The following IRF3 variants were observed in gnomAD, a reference collection of about 807,000 sequenced individuals.
IRF3 encodes the protein interferon regulatory factor 3.
A neutral mutation model predicts 43.2 loss-of-function variants in IRF3; 29 were observed. That is an observed-to-expected ratio of 0.67 (90% confidence interval 0.50 to 0.91). The LOEUF (loss-of-function observed/expected upper bound fraction) is 0.91, where lower values mean the gene tolerates loss of function less well. IRF3 is among the 40% of genes least tolerant of loss of function. The pLI is 0.00. For synonymous variants in IRF3, 228 were observed against 233.9 expected (o/e 0.97, Z 0.23); for missense variants, 505 against 559.1 (o/e 0.90, Z 0.98).
chr19:49,664,540 T>G, intron 2 of IRF3, 134 bp downstream of exon 2: 1 of 1,559,948 alleles, frequency 6.4e-7, no homozygotes. Flanking sequence ...CCTCCCGTTC[T>G]AGCCCCACCC....
chr19:49,662,432 C>T lies in IRF3; in HGVS notation c.594G>A (p.Pro198=), dbSNP rs765721103. 50 of 1,594,374 alleles carry T rather than the reference C, an allele frequency of 3.1e-5. No homozygotes were observed. Among genetic ancestry groups the T allele is most frequent in the Admixed American group, 1.2e-4 (7 of 57,022 alleles). ...CCTGCAGCTGACACTCACCTTCCCCCGGCACCAACAGCCGCTTCAGTGGGT... is the reference window on the plus strand; with the variant it reads ...CCTGCAGCTGACACTCACCTTCCCCTGGCACCAACAGCCGCTTCAGTGGGT... ...SENPLKRLLV[P]GEEWEFEVTA... is the part of the protein sequence containing the mutation. Residue 198 remains proline, a synonymous_variant, in exon 5 of 8, where the codon CCG becomes CCA. Coordinates refer to ENST00000377139, the MANE Select transcript of IRF3 (RefSeq NM_001571.6).
chr19:49,660,876 C>T, intron 6 of IRF3, 48 bp from the exon 7 acceptor site: 5 of 1,550,256 alleles, frequency 3.2e-6, no homozygotes, highest in Non-Finnish European at 4.4e-6. Context: ...ACCCTCTACC[C>T]ACCCTTCCCC....
At position 49,662,181 on chromosome 19, in the gene IRF3, A is replaced by G; in HGVS notation, c.749T>C (p.Met250Thr). Reference protein sequence around the residue: ...GWPVTLPDPGMSLTDRGVMSY... With the variant: ...GWPVTLPDPGTSLTDRGVMSY... ...CATCACTCCCCTGTCTGTCAGGGACATGCCAGGGTCTGGCAGTGTGACTGG... is the reference window on the plus strand; with the variant it reads ...CATCACTCCCCTGTCTGTCAGGGACGTGCCAGGGTCTGGCAGTGTGACTGG... The change falls in exon 6 of 8, where the codon ATG becomes ACG. Residue 250 changes from methionine (M) to threonine (T), a missense_variant. Transcript: ENST00000377139. 6.2e-7 allele frequency: 1 copy of G among 1,614,152 alleles called. No individual in the cohort carries two copies. The highest frequency in any genetic ancestry group is 8.5e-7 in the Non-Finnish European group (1 of 1,180,040).
rs772574723 is a variant in IRF3, at chr19:49,663,505, C to T, written c.175G>A (p.Glu59Lys). Reference protein sequence around the residue: ...EDFGIFQAWAEATGAYVPGRD... With the variant: ...EDFGIFQAWAKATGAYVPGRD... ...CCGGGAACATATGCACCAGTGGCCTCGGCCCAGGCCTGGGGCAACAGTGGT... is the reference window on the plus strand; with the variant it reads ...CCGGGAACATATGCACCAGTGGCCTTGGCCCAGGCCTGGGGCAACAGTGGT... The change falls in exon 3 of 8, where the codon GAG (glutamate) becomes AAG (lysine). Residue 59 changes from glutamate (E) to lysine (K), a missense_variant. Glu to Lys is a moderately conservative substitution (Grantham distance 56). Transcript: ENST00000377139. 58 of 1,613,800 alleles carry T rather than the reference C, an allele frequency of 3.6e-5. No homozygotes were observed. Among genetic ancestry groups the T allele is most frequent in the East Asian group, 4.5e-5 (2 of 44,898 alleles).
At position 49,662,153 on chromosome 19, in the gene IRF3, G is replaced by A. The variant is rs766526821; in HGVS notation, c.777C>T (p.Ser259=). 1.9e-6 allele frequency: 3 copies of A among 1,614,122 alleles called. No homozygotes were observed. Among genetic ancestry groups the A allele is most frequent in the East Asian group, 4.5e-5 (2 of 44,886 alleles). ...GGCAGCTCAGCACATGCCTCACGTAGCTCATCACTCCCCTGTCTGTCAGGG... is the reference window on the plus strand; with the variant it reads ...GGCAGCTCAGCACATGCCTCACGTAACTCATCACTCCCCTGTCTGTCAGGG... The part of the protein sequence containing the change: ...GMSLTDRGVM[S]YVRHVLSCLG... The change falls in exon 6 of 8, where the codon AGC becomes AGT. Residue 259 remains serine (S), a synonymous_variant. Coordinates refer to ENST00000377139, the MANE Select transcript of IRF3 (RefSeq NM_001571.6).
intron 5 of IRF3, 48 bp downstream of exon 5, chr19:49,662,377 G>T (rs2081373961): frequency 1.9e-6 from 3 of 1,602,570 alleles, no homozygotes; most frequent in Non-Finnish European, 2.6e-6. Flanking sequence ...TGAGAATCAG[G>T]GGCTGCCGCC....
rs781576255 is a variant in IRF3 at position 49,664,500 on chromosome 19, C to T, written c.165+174G>A. 6 of 1,564,148 alleles carry T rather than the reference C, an allele frequency of 3.8e-6. No homozygotes were observed. The African/African-American group carries it at 6.8e-5, about 18-fold the overall frequency. On this transcript the variant is annotated intron_variant, in intron 2 of 7. Coordinates refer to ENST00000377139, the MANE Select transcript of IRF3 (RefSeq NM_001571.6). ...AGCTCCAACCCTGCTTGCGCCCCAC[C>T]ATCAGTCAGCGGATCCGGCTAGCCC...
rs755382691 is a variant in IRF3 at position 49,661,934 on chromosome 19, CCT to C, written c.982+12_982+13del. ...GCTTTGTACTGGCCAGGTCGAAGCC[CCT>C]GTCTCACTCACCTACAATGAAGGGC... On this transcript the variant is annotated intron_variant, in intron 6 of 7. Coordinates refer to ENST00000377139, the MANE Select transcript of IRF3 (RefSeq NM_001571.6). The C allele has an allele frequency of 2.9e-5, 47 of 1,596,062 alleles. No individual in the cohort carries two copies. Among genetic ancestry groups the C allele is most frequent in the African/African-American group, 6.7e-5 (5 of 74,676 alleles).
intron 7 of IRF3, among the ~76,000 whole-genome samples, 195 bp from the exon 8 acceptor site, chr19:49,660,028 C>CACA (rs1555753000): frequency 0.012 from 1,348 of 109,862 alleles, 97 homozygotes; most frequent in African/African-American, 0.033. Flanking sequence ...CACACACACA[C>CACA]CCCCTGCTGT....
rs747417003 is a variant in IRF3 at position 49,662,003 on chromosome 19, G to A, written c.927C>T (p.Gly309=). ...LLPNSGHGPD[G]EVPKDKEGGV... ...CTCCTTCCTTGTCCTTGGGGACCTC[G>A]CCATCAGGCCCATGCCCGCTGTTGG... Residue 309 remains glycine, a synonymous_variant, in exon 6 of 8, where the codon GGC becomes GGT. Coordinates refer to ENST00000377139, the MANE Select transcript of IRF3 (RefSeq NM_001571.6). 7 of 1,613,752 alleles carry A rather than the reference G, an allele frequency of 4.3e-6. No individual in the cohort carries two copies. The highest frequency in any genetic ancestry group is 1.3e-5 in the African/African-American group (1 of 75,026).
rs1555753040 is a variant in IRF3, at chr19:49,659,994, C to CAT, written c.1099-162_1099-161insAT. ...TGGGAGTTGTAGTTTTACACACACA[C>CAT]ACACACACACACACACACACACACA... On this transcript the variant is annotated intron_variant, in intron 7 of 7. Coordinates refer to ENST00000377139, the MANE Select transcript of IRF3 (RefSeq NM_001571.6). Among the ~76,000 whole-genome samples, 3 of 99,260 alleles carry CAT rather than the reference C, an allele frequency of 3.0e-5. No homozygotes were observed. The East Asian group carries it at 7.7e-4, about 26-fold the overall frequency. The allele number at this position is 99,260 out of a possible 152,430, so 65.1% of individuals were successfully genotyped here.
chr19:49,665,671 C>G lies in IRF3; in HGVS notation c.-49G>C. On this transcript the variant is annotated 5_prime_UTR_variant, in exon 1 of 8. Transcript: ENST00000377139. ...GGGGCGTGCGGGCAGCTGGAACCCACCCCTGTCTTGGAGCTCCGGGTAGCT... is the reference window on the plus strand; with the variant it reads ...GGGGCGTGCGGGCAGCTGGAACCCAGCCCTGTCTTGGAGCTCCGGGTAGCT... 1.9e-6 allele frequency: 2 copies of G among 1,067,190 alleles called. No individual in the cohort carries two copies. Among genetic ancestry groups the G allele is most frequent in the Non-Finnish European group, 2.7e-6 (2 of 752,084 alleles). 66.1% of individuals were successfully genotyped at this position (1,067,190 alleles called of 1,614,324 possible). A position where few individuals can be genotyped will look rare whatever the true frequency, so the allele number is the denominator to read the frequency against.
At position 49,663,218 on chromosome 19, in the gene IRF3, G is replaced by C. The variant is rs2081428625; in HGVS notation, c.378C>G (p.Thr126=). 1 of 1,613,954 alleles carries C rather than the reference G, an allele frequency of 6.2e-7. No individual in the cohort carries two copies. The highest frequency in any genetic ancestry group is 1.7e-5 in the Admixed American group (1 of 59,992). Residue 126 remains threonine (T), a synonymous_variant, in exon 4 of 8, where the codon ACC becomes ACG. Coordinates refer to ENST00000377139, the MANE Select transcript of IRF3 (RefSeq NM_001571.6). ...DFSQPDTSPD[T]NGGGSTSDTQ... ...TATCAGAAGTACTGCCTCCACCATT[G>C]GTGTCCGGAGAGGTGTCTGGCTGGG... is the stretch of plus-strand genomic sequence containing the variant.
At chr19:49,664,507 C>T (rs770598093) in intron 2 of IRF3, 167 bp downstream of exon 2, 9 of 1,570,606 alleles carry the variant, frequency 5.7e-6, no homozygotes, top group Non-Finnish European at 7.7e-6. Context: ...CACCATCAGT[C>T]AGCGGATCCG....
intron 3 of IRF3, 42 bp from the exon 4 acceptor site, chr19:49,663,300 C>T: frequency 6.2e-7 from 1 of 1,614,054 alleles, no homozygotes; most frequent in Non-Finnish European, 8.5e-7. Flanking sequence ...TGCCAGGAAC[C>T]CTTGGGGCCC....
rs1568452113 is a variant in IRF3, at chr19:49,660,029, C to CACACACACACACA, written c.1099-197_1099-196insTGTGTGTGTGTGT. ...CACACACACACACACACACACACACCCCCTGCTGTAACTGAACCATAGGCC... is the reference window on the plus strand; with the variant it reads ...CACACACACACACACACACACACACCACACACACACACACCCTGCTGTAACTGAACCATAGGCC... On this transcript the variant is annotated intron_variant, in intron 7 of 7. Coordinates refer to ENST00000377139, the MANE Select transcript of IRF3 (RefSeq NM_001571.6). Among the ~76,000 whole-genome samples, 37 of 48,564 alleles carry CACACACACACACA rather than the reference C, an allele frequency of 7.6e-4. 1 individual carries two copies. Among genetic ancestry groups the CACACACACACACA allele is most frequent in the East Asian group, 2.0e-3 (4 of 1,990 alleles). 31.9% of individuals were successfully genotyped at this position (48,564 alleles called of 152,430 possible).
chr19:49,663,213 C>T lies in IRF3; in HGVS notation c.383G>A (p.Gly128Asp). Residue 128 changes from glycine (G) to aspartate (D), a missense_variant, in exon 4 of 8, where the codon GGT (glycine) becomes GAT (aspartate). Physicochemically the swap from Gly to Asp is moderately conservative, Grantham distance 94. Transcript: ENST00000377139. ...SQPDTSPDTNGGGSTSDTQED... is the reference protein window; with the variant it reads ...SQPDTSPDTNDGGSTSDTQED... Reference sequence around the variant, plus strand: ...CTGGGTATCAGAAGTACTGCCTCCACCATTGGTGTCCGGAGAGGTGTCTGG... The same window carrying T: ...CTGGGTATCAGAAGTACTGCCTCCATCATTGGTGTCCGGAGAGGTGTCTGG... 6.2e-7 allele frequency: 1 copy of T among 1,614,108 alleles called. No individual in the cohort carries two copies. Among genetic ancestry groups the T allele is most frequent in the Non-Finnish European group, 8.5e-7 (1 of 1,180,004 alleles).
intron 2 of IRF3, 170 bp downstream of exon 2, chr19:49,664,504 A>T (rs777301706): frequency 1.3e-6 from 2 of 1,567,076 alleles, no homozygotes; most frequent in African/African-American, 1.4e-5. Flanking sequence ...CCCCACCATC[A>T]GTCAGCGGAT....
In IRF3 at chr19:49,663,270, AGTG is replaced by A. The variant is rs1187543444; in HGVS notation, c.338-15_338-13del. On this transcript the variant is annotated splice_polypyrimidine_tract_variant and intron_variant, in intron 3 of 7. Transcript: ENST00000377139. ...AAAGTCCCCAACTCCTGTTGAGAAA[AGTG>A]GTGAGGGGAGTAGGAGTGCCAGGAA... is the stretch of plus-strand genomic sequence containing the variant. The A allele has an allele frequency of 1.9e-6, 3 of 1,614,060 alleles. No individual in the cohort carries two copies. The highest frequency in any genetic ancestry group is 2.5e-6 in the Non-Finnish European group (3 of 1,179,980).
Sources: allele counts gnomAD v4.1 joint callset (sites outside exome capture counted in the v4.1 genomes callset), GRCh38; gene constraint gnomAD v4.1.1; transcripts MANE v1.5; gene names NCBI Gene and HGNC (gene_info 2026-07-23, HGNC 2026-07-21).